The following PCDHGA8 variants were observed in gnomAD, a reference collection of about 807,000 sequenced individuals.
PCDHGA8 encodes protocadherin gamma subfamily A, 8.
In PCDHGA8, 45 loss-of-function variants were observed where a neutral mutation model predicts 59.2. The ratio of observed to expected loss-of-function variants is 0.76; its 90% CI spans 0.60 to 0.98. The LOEUF (loss-of-function observed/expected upper bound fraction) is 0.98, where lower values mean the gene tolerates loss of function less well. PCDHGA8 is among the 50% of genes least tolerant of loss of function. The probability of loss-of-function intolerance (pLI) is 0.00; values close to 1 mark genes in which losing one functional copy is unlikely to be tolerated. For synonymous variants in PCDHGA8, 531 were observed against 519.0 expected (o/e 1.02, Z -0.32); for missense variants, 1,257 against 1,196.2 (o/e 1.05, Z -0.75).
chr5:141,433,159 T>C, intron 1 of PCDHGA8: 2 of 1,613,968 alleles, frequency 1.2e-6, no homozygotes, highest in Non-Finnish European at 1.7e-6. Flanking sequence ...CGGTATTTTC[T>C]AAAGACAGTC....
At chr5:141,409,712 T>C (rs1049603081) in intron 1 of PCDHGA8, 5 of 1,613,122 alleles carry the variant, frequency 3.1e-6, no homozygotes, top group Non-Finnish European at 4.2e-6. Flanking sequence ...GGTGTCGTCA[T>C]ACGTGTCAGT....
Position 141,489,322 on chromosome 5 carries a change from T to G in PCDHGA8, c.2425-5485T>G. 1.9e-6 allele frequency: 3 copies of G among 1,601,052 alleles called. No homozygotes were observed. The highest frequency in any genetic ancestry group is 2.2e-5 in the East Asian group (1 of 44,726). On this transcript the variant is annotated intron_variant, in intron 1 of 3. Transcript: ENST00000398604. This position sits in a 1 kb window ranked among gnomAD's most constrained non-coding sequence, Gnocchi z 4.5. The stretch of plus-strand genomic sequence containing the variant: ...GTCCTTGTGCTGCTGGGGCTGGGTG[T>G]CTGGGCAGCTTCGTTACTCAGTGGT...
At chr5:141,399,115 GA>G in intron 1 of PCDHGA8, 3 of 1,613,814 alleles carry the variant, frequency 1.9e-6, no homozygotes, top group Non-Finnish European at 2.5e-6. Context: ...ATGTACAGTT[GA>G]AATTAATATT....
At chr5:141,410,235 G>A (rs753193390) in intron 1 of PCDHGA8, 2 of 1,613,970 alleles carry the variant, frequency 1.2e-6, no homozygotes, top group South Asian at 1.1e-5. Context: ...CTCAGCGACC[G>A]CCCTGTACTC....
In PCDHGA8 at chr5:141,510,983, C is replaced by T; in HGVS notation, c.2609C>T (p.Ala870Val). The change falls in exon 4 of 4, where the codon GCC becomes GTC. Residue 870 changes from alanine to valine, a missense_variant. Transcript: ENST00000398604. The stretch of plus-strand genomic sequence containing the variant: ...GGGAGCTCCACCCTGGGAGGGGGTG[C>T]CGGCACCATGGGATTGAGCGCCCGC... ...ADGSSTLGGG[A>V]GTMGLSARYG... The T allele has an allele frequency of 6.2e-7, 1 of 1,614,162 alleles. No homozygotes were observed. The highest frequency in any genetic ancestry group is 8.5e-7 in the Non-Finnish European group (1 of 1,180,012).
At chr5:141,466,763 C>T (rs960940073) in intron 1 of PCDHGA8, among the ~76,000 whole-genome samples, 31 of 152,272 alleles carry the variant, frequency 2.0e-4, no homozygotes, top group Middle Eastern at 6.8e-3. Context: ...TCTTTTCAAA[C>T]TGTTATCTTA....
chr5:141,400,954 G>A (rs1195267748), intron 1 of PCDHGA8, among the ~76,000 whole-genome samples: 1 of 152,014 alleles, frequency 6.6e-6, no homozygotes, highest in African/African-American at 2.4e-5. Context: ...GATTTCACTG[G>A]TAGTTTTCAT....
chr5:141,461,773 C>T (rs894271810), intron 1 of PCDHGA8, among the ~76,000 whole-genome samples: 3 of 152,108 alleles, frequency 2.0e-5, no homozygotes, highest in Non-Finnish European at 4.4e-5. Context: ...CCTGCCTCAG[C>T]CTCCCAAGTA....
At position 141,431,416 on chromosome 5, in the gene PCDHGA8, C is replaced by T. The variant is rs778722151; in HGVS notation, c.2424+36179C>T. Reference sequence around the variant, plus strand: ...TCCTTACGGCCTCCGACGGGGGCGACCCGGTGCGCACAGGCACCGCGCGCA... The same window carrying T: ...TCCTTACGGCCTCCGACGGGGGCGATCCGGTGCGCACAGGCACCGCGCGCA... On this transcript the variant is annotated intron_variant, in intron 1 of 3. Transcript: ENST00000398604. This position sits in a 1 kb window ranked among gnomAD's most constrained non-coding sequence, Gnocchi z 4.8. 2.5e-6 allele frequency: 4 copies of T among 1,613,714 alleles called. No homozygotes were observed. Among genetic ancestry groups the T allele is most frequent in the Admixed American group, 1.7e-5 (1 of 60,028 alleles).
chr5:141,427,937 C>T, intron 1 of PCDHGA8: 1 of 1,584,566 alleles, frequency 6.3e-7, no homozygotes, highest in African/African-American at 1.3e-5. Flanking sequence ...TGTTGGTGGG[C>T]GACCTCAATG....
intron 2 of PCDHGA8, among the ~76,000 whole-genome samples, chr5:141,497,602 C>T (rs948023459): frequency 2.0e-5 from 3 of 148,260 alleles, no homozygotes; most frequent in East Asian, 2.0e-4. Flanking sequence ...TGCAGTGGTG[C>T]GATCTTGGCT....
chr5:141,399,745 G>A (rs1472441281), intron 1 of PCDHGA8: 2 of 1,613,194 alleles, frequency 1.2e-6, no homozygotes, highest in African/African-American at 2.7e-5. Flanking sequence ...TGCGCTCAGC[G>A]CAAACGTGAG....
At chr5:141,427,146 AAT>A (rs1561826638) in intron 1 of PCDHGA8, 1 of 456,990 alleles carries the variant, frequency 2.2e-6, no homozygotes, top group Non-Finnish European at 4.4e-6. Context: ...TGATATTGGA[AAT>A]ATGTTTGTGC....
At chr5:141,425,209 A>G (rs2096861765) in intron 1 of PCDHGA8, among the ~76,000 whole-genome samples, 1 of 152,180 alleles carries the variant, frequency 6.6e-6, no homozygotes, top group African/African-American at 2.4e-5. Context: ...GATGTAAGGC[A>G]TTGTACTTTG....
At position 141,490,027 on chromosome 5, in the gene PCDHGA8, C is replaced by T. The variant is rs767829552; in HGVS notation, c.2425-4780C>T. Reference sequence around the variant, plus strand: ...TGCACCCATTGGTACTCTGCTGCTCCGCCTCAATGCCACTGATCCAGACGA... The same window carrying T: ...TGCACCCATTGGTACTCTGCTGCTCTGCCTCAATGCCACTGATCCAGACGA... On this transcript the variant is annotated intron_variant, in intron 1 of 3. Coordinates refer to ENST00000398604, the MANE Select transcript of PCDHGA8 (RefSeq NM_032088.2). This position sits in a 1 kb window ranked among gnomAD's most constrained non-coding sequence, Gnocchi z 5.4. The T allele has an allele frequency of 2.4e-5, 39 of 1,614,096 alleles. No homozygotes were observed. The highest frequency in any genetic ancestry group is 4.0e-5 in the African/African-American group (3 of 74,942).
chr5:141,478,095 C>T, intron 1 of PCDHGA8: 5 of 1,614,100 alleles, frequency 3.1e-6, no homozygotes, highest in Non-Finnish European at 4.2e-6. Context: ...TCCACCACTG[C>T]TACCCTCACT....
At chr5:141,441,981 C>A in intron 1 of PCDHGA8, 1 of 278,140 alleles carries the variant, frequency 3.6e-6, no homozygotes, top group South Asian at 3.6e-5. Context: ...GCCTGGAATG[C>A]GCACCGACGA....
intron 1 of PCDHGA8, among the ~76,000 whole-genome samples, chr5:141,456,052 C>T (rs2098841739): frequency 1.3e-5 from 2 of 151,970 alleles, no homozygotes; most frequent in South Asian, 4.1e-4. Flanking sequence ...CGCCCACCAC[C>T]ACGTCCGGCT....
At chr5:141,458,662 C>T (rs948275548) in intron 1 of PCDHGA8, among the ~76,000 whole-genome samples, 3 of 152,064 alleles carry the variant, frequency 2.0e-5, no homozygotes, top group East Asian at 1.9e-4. Flanking sequence ...CTCCACCTCT[C>T]GGGTTCAAGC....
Sources: allele counts gnomAD v4.1 joint callset (sites outside exome capture counted in the v4.1 genomes callset), GRCh38; gene constraint gnomAD v4.1.1; non-coding constraint Gnocchi (gnomAD v3.1); transcripts MANE v1.5; gene names NCBI Gene and HGNC (gene_info 2026-07-23, HGNC 2026-07-21).